The following LIMS4 variants were observed in gnomAD, a reference collection of about 807,000 sequenced individuals.
LIMS4 encodes LIM zinc finger domain containing 4.
At chr2:110,390,760 C>T in the LIMS4 span, among the ~76,000 whole-genome samples, 2 of 151,784 alleles carry the variant, frequency 1.3e-5, no homozygotes, top group South Asian at 2.1e-4. Context: ...AAGCACTTAC[C>T]TTGTTCCAGG....
the LIMS4 span, among the ~76,000 whole-genome samples, chr2:110,368,855 G>C: frequency 1.3e-3 from 184 of 140,994 alleles, 2 homozygotes; most frequent in African/African-American, 4.9e-3. Context: ...TTGTTTCTTT[G>C]CTCAAATAAA....
the LIMS4 span, chr2:110,375,180 TCA>T: frequency 1.2e-5 from 1 of 86,168 alleles, no homozygotes; most frequent in South Asian, 5.0e-4. Flanking sequence ...TTGTGAAAAT[TCA>T]CATATATATA....
the LIMS4 span, among the ~76,000 whole-genome samples, chr2:110,411,666 C>T: frequency 1.8e-5 from 2 of 113,712 alleles, no homozygotes; most frequent in Non-Finnish European, 3.4e-5. Context: ...GTCAGGCCCT[C>T]GGGGTCATCT....
At chr2:110,367,809 G>T in the LIMS4 span, among the ~76,000 whole-genome samples, 1 of 139,980 alleles carries the variant, frequency 7.1e-6, no homozygotes, top group Non-Finnish European at 1.5e-5. Context: ...TTTGAGCCTG[G>T]GAGGTGGAGA....
the LIMS4 span, among the ~76,000 whole-genome samples, chr2:110,366,289 TC>T: frequency 9.2e-5 from 14 of 152,084 alleles, no homozygotes; most frequent in Non-Finnish European, 1.9e-4. Flanking sequence ...GCAAAAATCC[TC>T]AACAAAATAC....
chr2:110,376,032 T>A, the LIMS4 span: 2 of 87,432 alleles, frequency 2.3e-5, no homozygotes, highest in Non-Finnish European at 3.9e-5. Context: ...TTCTGGAGGC[T>A]CAAGGAAAGA....
At chr2:110,411,617 G>C in the LIMS4 span, among the ~76,000 whole-genome samples, 1 of 131,728 alleles carries the variant, frequency 7.6e-6, no homozygotes, top group Non-Finnish European at 1.5e-5. Flanking sequence ...CCTCCAGGTA[G>C]AGAAAGGAAA....
At chr2:110,447,418 G>A (rs1291977665) in intron 8 of LIMS4, among the ~76,000 whole-genome samples, 1 of 22,866 alleles carries the variant, frequency 4.4e-5, no homozygotes, top group Non-Finnish European at 1.1e-4. Flanking sequence ...CTCCTGAGTA[G>A]CTGGGACTAC....
the LIMS4 span, among the ~76,000 whole-genome samples, chr2:110,378,615 C>T: frequency 1.1e-4 from 1 of 9,122 alleles, no homozygotes; most frequent in Non-Finnish European, 2.0e-4. Context: ...TCATTCCCTG[C>T]TTCACTTTTT....
chr2:110,425,113 CTT>C, the LIMS4 span, among the ~76,000 whole-genome samples: 2 of 142,360 alleles, frequency 1.4e-5, 1 homozygote, highest in Admixed American at 1.4e-4. Context: ...AGGTCCATGG[CTT>C]CATTCTCGAA....
chr2:110,395,741 G>A, the LIMS4 span, among the ~76,000 whole-genome samples: 1 of 89,094 alleles, frequency 1.1e-5, no homozygotes, highest in South Asian at 4.9e-4. Flanking sequence ...CAGCCCTGGA[G>A]GCCAACATAC....
chr2:110,366,944 GACACACACAC>G, the LIMS4 span, among the ~76,000 whole-genome samples: 97 of 125,620 alleles, frequency 7.7e-4, no homozygotes, highest in East Asian at 4.8e-3. Context: ...ATTCACAATA[GACACACACAC>G]ACACACACAC....
the LIMS4 span, among the ~76,000 whole-genome samples, chr2:110,425,468 T>C: frequency 1.4e-5 from 2 of 139,374 alleles, no homozygotes; most frequent in Non-Finnish European, 3.0e-5. Flanking sequence ...TATAGTCCTC[T>C]AAGAGAATTC....
the LIMS4 span, among the ~76,000 whole-genome samples, chr2:110,395,960 A>C: frequency 1.3e-4 from 18 of 141,268 alleles, no homozygotes; most frequent in Admixed American, 5.7e-4. Flanking sequence ...TGCACTACTG[A>C]CAGACCACAG....
At chr2:110,373,212 CT>C in the LIMS4 span, among the ~76,000 whole-genome samples, 2 of 16,540 alleles carry the variant, frequency 1.2e-4, no homozygotes, top group African/African-American at 5.9e-4. Flanking sequence ...CACCCCCCCC[CT>C]CATGTGGCCT....
At chr2:110,443,069 T>TC (rs1225962457), downstream of LIMS4, among the ~76,000 whole-genome samples, 2 of 121,260 alleles carry the variant, frequency 1.6e-5, no homozygotes, top group Non-Finnish European at 3.3e-5. Context: ...TTTTTCTTTT[T>TC]TTTTTTTAGA....
At chr2:110,425,175 C>T in the LIMS4 span, among the ~76,000 whole-genome samples, 1 of 143,616 alleles carries the variant, frequency 7.0e-6, no homozygotes, top group South Asian at 2.2e-4. Flanking sequence ...GAGGATTGTT[C>T]AAGCCCAAGA....
chr2:110,425,286 T>C, the LIMS4 span, among the ~76,000 whole-genome samples: 6 of 142,134 alleles, frequency 4.2e-5, no homozygotes, highest in Non-Finnish European at 5.9e-5. Context: ...TAGGCAGAGA[T>C]GAAGGATGGC....
the LIMS4 span, among the ~76,000 whole-genome samples, chr2:110,390,858 G>A: frequency 3.9e-5 from 6 of 152,262 alleles, no homozygotes; most frequent in African/African-American, 1.2e-4. Context: ...GAGGGGGAGC[G>A]GGACCAAGCC....
Sources: allele counts gnomAD v4.1 joint callset (sites outside exome capture counted in the v4.1 genomes callset), GRCh38; gene constraint gnomAD v4.1.1; transcripts MANE v1.5; gene names NCBI Gene and HGNC (gene_info 2026-07-23, HGNC 2026-07-21).